Variants in ST8SIA3 observed in about 807,000 individuals in gnomAD.
ST8SIA3 encodes alpha-N-acetylneuraminate alpha-2,8-sialyltransferase ST8SIA3.
In ST8SIA3, 17 loss-of-function variants were observed where a neutral mutation model predicts 34.5. The ratio of observed to expected loss-of-function variants is 0.49; its 90% CI spans 0.34 to 0.74. The LOEUF (loss-of-function observed/expected upper bound fraction) is 0.74. Among genes scored for constraint, ST8SIA3 ranks in the 30% least tolerant of loss-of-function variants. The pLI is 0.01. For synonymous variants in ST8SIA3, 172 were observed against 176.1 expected (o/e 0.98, Z 0.19); for missense variants, 354 against 467.8 (o/e 0.76, Z 2.24).
At chr18:57,354,660 C>G in intron 2 of ST8SIA3, 136 bp downstream of exon 2, 1 of 1,026,452 alleles carries the variant, frequency 9.7e-7, no homozygotes. Context: ...TCAGGTGTAT[C>G]TGCATTGTTT....
Position 57,352,724 on chromosome 18 carries a change from G to T in ST8SIA3, c.-123G>T, listed in dbSNP as rs775050245. On this transcript the variant is annotated 5_prime_UTR_variant, in exon 1 of 4. Coordinates refer to ENST00000324000, the MANE Select transcript of ST8SIA3 (RefSeq NM_015879.3). Reference sequence around the variant, plus strand: ...CGGGTCCCCCTCCTCCGCCACACGCGCGCGCGCTCACACACACACACACAC... The same window carrying T: ...CGGGTCCCCCTCCTCCGCCACACGCTCGCGCGCTCACACACACACACACAC... 1.3e-5 allele frequency: 3 copies of T among 225,584 alleles called. No individual in the cohort carries two copies. The highest frequency in any genetic ancestry group is 5.2e-5 in the South Asian group (2 of 38,108). The allele number at this position is 225,584 out of a possible 1,614,324, so 14.0% of individuals were successfully genotyped here. A position where few individuals can be genotyped will look rare whatever the true frequency, so the allele number is the denominator to read the frequency against.
chr18:57,360,433 TTTTAGCAGA>T lies in ST8SIA3; in HGVS notation c.*165_*173del. On this transcript the variant is annotated 3_prime_UTR_variant, in exon 4 of 4. Transcript: ENST00000324000. ...CTCTTTTGCACTGCTCTTTTAAGAG[TTTTAGCAGA>T]TTTAGCAGGACAGATGCATTGAAGC... The T allele has an allele frequency of 1.3e-6, 1 of 753,690 alleles. No individual in the cohort carries two copies. The highest frequency in any genetic ancestry group is 1.9e-5 in the South Asian group (1 of 51,324). 46.7% of individuals were successfully genotyped at this position (753,690 alleles called of 1,614,324 possible). A position where few individuals can be genotyped will look rare whatever the true frequency, so the allele number is the denominator to read the frequency against.
intron 1 of ST8SIA3, among the ~76,000 whole-genome samples, chr18:57,353,698 C>T (rs2049780422): frequency 6.6e-6 from 1 of 152,196 alleles, no homozygotes; most frequent in African/African-American, 2.4e-5. Context: ...GCTGGGCCGG[C>T]CTGTGAAGGC....
chr18:57,357,150 A>G lies in ST8SIA3; in HGVS notation c.540A>G (p.Ile180Met). Reference sequence around the variant, plus strand: ...CAGGGAGCCAGTGTGGACAAGAAATAGATAAATCAGATTTTGTTTTCCGTT... The same window carrying G: ...CAGGGAGCCAGTGTGGACAAGAAATGGATAAATCAGATTTTGTTTTCCGTT... ...ILTGSQCGQE[I>M]DKSDFVFRCN... The change falls in exon 3 of 4, where the codon ATA (isoleucine) becomes ATG (methionine). Residue 180 changes from isoleucine (I) to methionine (M), a missense_variant. This residue lies in a region of ST8SIA3 where 166 missense variants were observed against 245.2 expected (regional missense o/e 0.68). Coordinates refer to ENST00000324000, the MANE Select transcript of ST8SIA3 (RefSeq NM_015879.3). 3.7e-6 allele frequency: 6 copies of G among 1,614,152 alleles called. No individual in the cohort carries two copies. The highest frequency in any genetic ancestry group is 5.1e-6 in the Non-Finnish European group (6 of 1,180,000).
At chr18:57,353,085 A>C in intron 1 of ST8SIA3, 60 bp downstream of exon 1, 2 of 1,569,790 alleles carry the variant, frequency 1.3e-6, no homozygotes, top group Non-Finnish European at 1.7e-6. Context: ...TGTTTGGGGA[A>C]GGGAAGGCGT....
rs771872373 is a variant in ST8SIA3 at position 57,357,231 on chromosome 18, T to TA, written c.622dup (p.Thr208AsnfsTer22). 1.2e-6 allele frequency: 2 copies of TA among 1,614,186 alleles called. No homozygotes were observed. Among genetic ancestry groups the TA allele is most frequent in the Non-Finnish European group, 1.7e-6 (2 of 1,180,002 alleles). On this transcript the variant is annotated frameshift_variant, in exon 3 of 4. Coordinates refer to ENST00000324000, the MANE Select transcript of ST8SIA3 (RefSeq NM_015879.3). LOFTEE classifies it high-confidence loss of function. ...GAGATGTTGGAAGAAAAACCAATCTTACCACCTTCAACCCCAGCATCCTGG... is the reference window on the plus strand; with the variant it reads ...GAGATGTTGGAAGAAAAACCAATCTTAACCACCTTCAACCCCAGCATCCTGG...
At position 57,356,996 on chromosome 18, in the gene ST8SIA3, A is replaced by G; in HGVS notation, c.386A>G (p.Tyr129Cys). The change falls in exon 3 of 4, where the codon TAT (tyrosine) becomes TGT (cysteine). Residue 129 changes from tyrosine to cysteine, a missense_variant. Around this residue, in one of 3 missense-constraint regions of ST8SIA3, gnomAD observed 184 missense variants for 205.4 expected, o/e 0.90. Transcript: ENST00000324000. ...GTTCGGATTGGACAACTGATGCACT[A>G]TGATTATTCCAGCCATAAATATGTT... Reference protein sequence around the residue: ...NSVRIGQLMHYDYSSHKYVFS... With the variant: ...NSVRIGQLMHCDYSSHKYVFS... The G allele has an allele frequency of 6.2e-7, 1 of 1,614,076 alleles. No individual in the cohort carries two copies. The highest frequency in any genetic ancestry group is 8.5e-7 in the Non-Finnish European group (1 of 1,179,936).
At position 57,365,779 on chromosome 18, in the gene ST8SIA3, T is replaced by G. The variant is rs2049857253; in HGVS notation, c.*5502T>G. ...TGATCAGTTATTACTTGTGGCCTTG[T>G]ACCACCTCTGTTGGATAATGTGCCA... is the stretch of plus-strand genomic sequence containing the variant. On this transcript the variant is annotated 3_prime_UTR_variant, in exon 4 of 4. Coordinates refer to ENST00000324000, the MANE Select transcript of ST8SIA3 (RefSeq NM_015879.3). The G allele has an allele frequency of 6.6e-6, 1 of 152,220 alleles. No homozygotes were observed. The highest frequency in any genetic ancestry group is 2.4e-5 in the African/African-American group (1 of 41,460). The allele number at this position is 152,220 out of a possible 1,614,324, so 9.4% of individuals were successfully genotyped here. A position where few individuals can be genotyped will look rare whatever the true frequency, so the allele number is the denominator to read the frequency against.
rs1568102201 is a variant in ST8SIA3 at position 57,360,548 on chromosome 18, T to C, written c.*271T>C. 1 of 413,390 alleles carries C rather than the reference T, an allele frequency of 2.4e-6. No homozygotes were observed. Among genetic ancestry groups the C allele is most frequent in the Non-Finnish European group, 4.3e-6 (1 of 231,102 alleles). The allele number at this position is 413,390 out of a possible 1,614,324, so 25.6% of individuals were successfully genotyped here. On this transcript the variant is annotated 3_prime_UTR_variant, in exon 4 of 4. Coordinates refer to ENST00000324000, the MANE Select transcript of ST8SIA3 (RefSeq NM_015879.3). ...AACGAAATGGTTTGAAGTATTTTCA[T>C]GTTTGGATTTTAATAATAAACTGCC...
rs1314236999 is a variant in ST8SIA3 at position 57,367,194 on chromosome 18, A to C, written c.*6917A>C. 6.6e-6 allele frequency: 1 copy of C among 152,232 alleles called. No individual in the cohort carries two copies. The highest frequency in any genetic ancestry group is 1.9e-4 in the East Asian group (1 of 5,204). 9.4% of individuals were successfully genotyped at this position (152,232 alleles called of 1,614,324 possible). On this transcript the variant is annotated 3_prime_UTR_variant, in exon 4 of 4. Transcript: ENST00000324000. ...AAATCTACTTCCGTTGCTATAATAAAATACCCTACAGGTTCTGTAAGGCAT... is the reference window on the plus strand; with the variant it reads ...AAATCTACTTCCGTTGCTATAATAACATACCCTACAGGTTCTGTAAGGCAT...
chr18:57,357,689 T>C (rs182126921), intron 3 of ST8SIA3, among the ~76,000 whole-genome samples: 14 of 152,340 alleles, frequency 9.2e-5, no homozygotes, highest in Admixed American at 1.3e-4. Flanking sequence ...GATGGAAGGA[T>C]TGGGGCTTCA....
At chr18:57,353,179 T>TC (rs2049775421) in intron 1 of ST8SIA3, among the ~76,000 whole-genome samples, 154 bp downstream of exon 1, 1 of 151,408 alleles carries the variant, frequency 6.6e-6, no homozygotes, top group East Asian at 1.9e-4. Context: ...AATTCTCCCT[T>TC]CCCCCTCCCT....
At chr18:57,368,930 AAC>A (rs2049876193) in exon 4 of ST8SIA3, 2 of 152,272 alleles carry the variant, frequency 1.3e-5, no homozygotes, top group Admixed American at 1.3e-4. Flanking sequence ...TGCTTTGGGA[AAC>A]ACTGCTGGTT....
intron 1 of ST8SIA3, among the ~76,000 whole-genome samples, chr18:57,353,362 G>A (rs2049776797): frequency 6.6e-6 from 1 of 152,098 alleles, no homozygotes; most frequent in Non-Finnish European, 1.5e-5. Context: ...GGGAGGGGGC[G>A]GCGAGCAGAG....
rs754936650 is a variant in ST8SIA3, at chr18:57,367,268, T to C, written c.*6991T>C. On this transcript the variant is annotated 3_prime_UTR_variant, in exon 4 of 4. Coordinates refer to ENST00000324000, the MANE Select transcript of ST8SIA3 (RefSeq NM_015879.3). ...CGCAAGTTGGACATTTTCTATACTA[T>C]GTGTAAAATGCCAGGTTATACCTCT... is the stretch of plus-strand genomic sequence containing the variant. 2 of 152,242 alleles carry C rather than the reference T, an allele frequency of 1.3e-5. No individual in the cohort carries two copies. Among genetic ancestry groups the C allele is most frequent in the Non-Finnish European group, 2.9e-5 (2 of 68,046 alleles). 9.4% of individuals were successfully genotyped at this position (152,242 alleles called of 1,614,324 possible). A position where few individuals can be genotyped will look rare whatever the true frequency, so the allele number is the denominator to read the frequency against.
chr18:57,359,309 T>C (rs1165286909), intron 3 of ST8SIA3, among the ~76,000 whole-genome samples: 1 of 152,316 alleles, frequency 6.6e-6, no homozygotes, highest in Non-Finnish European at 1.5e-5. Context: ...TTATTTACAC[T>C]TAATGTATCT....
chr18:57,357,140 G>C lies in ST8SIA3; in HGVS notation c.530G>C (p.Gly177Ala), dbSNP rs368162180. The change falls in exon 3 of 4, where the codon GGA becomes GCA. Residue 177 changes from glycine (G) to alanine (A), a missense_variant. This residue lies in a region of ST8SIA3 where 166 missense variants were observed against 245.2 expected (regional missense o/e 0.68). Coordinates refer to ENST00000324000, the MANE Select transcript of ST8SIA3 (RefSeq NM_015879.3). ...GGGATCCTGACAGGGAGCCAGTGTG[G>C]ACAAGAAATAGATAAATCAGATTTT... The part of the protein sequence containing the change: ...NSGILTGSQC[G>A]QEIDKSDFVF... 2 of 1,614,062 alleles carry C rather than the reference G, an allele frequency of 1.2e-6. No individual in the cohort carries two copies. Among genetic ancestry groups the C allele is most frequent in the South Asian group, 1.1e-5 (1 of 91,064 alleles).
Position 57,360,567 on chromosome 18 carries a change from A to C in ST8SIA3, c.*290A>C. On this transcript the variant is annotated 3_prime_UTR_variant, in exon 4 of 4. Coordinates refer to ENST00000324000, the MANE Select transcript of ST8SIA3 (RefSeq NM_015879.3). ...TTTTCATGTTTGGATTTTAATAATA[A>C]ACTGCCTCTCATTTTTATGAGGACT... is the stretch of plus-strand genomic sequence containing the variant. The C allele has an allele frequency of 2.8e-6, 1 of 355,368 alleles. No homozygotes were observed. The highest frequency in any genetic ancestry group is 5.1e-6 in the Non-Finnish European group (1 of 194,812). The allele number at this position is 355,368 out of a possible 1,614,324, so 22.0% of individuals were successfully genotyped here.
chr18:57,353,481 G>A (rs1568100488), intron 1 of ST8SIA3, among the ~76,000 whole-genome samples: 1 of 152,088 alleles, frequency 6.6e-6, no homozygotes, highest in Non-Finnish European at 1.5e-5. Context: ...GACTCCCCTC[G>A]CGCCCTCCTC....
Sources: gnomAD v4.1 joint callset for allele counts (sites outside exome capture counted in the v4.1 genomes callset) on GRCh38, gnomAD v4.1.1 for gene constraint, gnomAD v4.1.1 regional missense constraint, MANE v1.5 for transcripts, NCBI Gene and HGNC (gene_info 2026-07-23, HGNC 2026-07-21) for gene names.